ANKS1A: variants seen among roughly 807,000 people sequenced by gnomAD.
The protein encoded by ANKS1A is ankyrin repeat and SAM domain-containing protein 1A.
Under a neutral mutation model 120.3 loss-of-function variants are expected in ANKS1A, and 55 were observed. The observed-to-expected ratio is 0.46, with a 90% confidence interval of 0.37 to 0.57. The LOEUF (loss-of-function observed/expected upper bound fraction) is 0.57. ANKS1A is among the 20% of genes least tolerant of loss of function. The pLI is 0.00. For synonymous variants in ANKS1A, 590 were observed against 604.7 expected (o/e 0.98, Z 0.36); for missense variants, 1,123 against 1,480.3 (o/e 0.76, Z 3.96).
In ANKS1A at chr6:35,089,013, C is replaced by CCTGCAT; in HGVS notation, c.*405_*410dup. On this transcript the variant is annotated 3_prime_UTR_variant, in exon 24 of 24. Transcript: ENST00000360359. Reference sequence around the variant, plus strand: ...GAGCTGAGGTTGGTTCAGAGGCCAGCCTGCATAGCCTCTGTCCTCAGGACG... The same window carrying CCTGCAT: ...GAGCTGAGGTTGGTTCAGAGGCCAGCCTGCATCTGCATAGCCTCTGTCCTCAGGACG... 8.8e-7 allele frequency: 1 copy of CCTGCAT among 1,142,688 alleles called. No individual in the cohort carries two copies. Among genetic ancestry groups the CCTGCAT allele is most frequent in the Non-Finnish European group, 1.1e-6 (1 of 922,118 alleles). 70.8% of individuals were successfully genotyped at this position (1,142,688 alleles called of 1,614,324 possible). A position where few individuals can be genotyped will look rare whatever the true frequency, so the allele number is the denominator to read the frequency against.
At chr6:35,087,238 G>C (rs966411994) in intron 23 of ANKS1A, among the ~76,000 whole-genome samples, 189 bp downstream of exon 23, 8 of 152,070 alleles carry the variant, frequency 5.3e-5, no homozygotes, top group Admixed American at 5.2e-4. Context: ...TGCAGCTCTC[G>C]CACCTACCAC....
rs576995583 is a variant in ANKS1A, at chr6:34,964,840, C to G, written c.198-2399C>G. ...TCCCAAAGGAATTTACCAGTTTAAA[C>G]TCATACCAGTGGTGTTTAAGAGTGC... On this transcript the variant is annotated intron_variant, in intron 1 of 23. Transcript: ENST00000360359. Among the ~76,000 whole-genome samples, 5 of 152,328 alleles carry G rather than the reference C, an allele frequency of 3.3e-5. No individual in the cohort carries two copies. In the South Asian group the frequency reaches 1.0e-3, roughly 32 times the overall value.
rs537089353 is a variant in ANKS1A, at chr6:34,966,449, G to A, written c.198-790G>A. On this transcript the variant is annotated intron_variant, in intron 1 of 23. Coordinates refer to ENST00000360359, the MANE Select transcript of ANKS1A (RefSeq NM_015245.3). ...GAGTATCTACCTCAAACCATTAGAGGCATTCTCATTAGAAGCAGGAACAAA... is the reference window on the plus strand; with the variant it reads ...GAGTATCTACCTCAAACCATTAGAGACATTCTCATTAGAAGCAGGAACAAA... 2.6e-5 allele frequency among the ~76,000 whole-genome samples: 4 copies of A among 152,260 alleles called. No individual in the cohort carries two copies. In the South Asian group the frequency reaches 6.2e-4, roughly 24 times the overall value.
At chr6:35,011,106 G>C (rs945664843) in intron 10 of ANKS1A, among the ~76,000 whole-genome samples, 1 of 152,144 alleles carries the variant, frequency 6.6e-6, no homozygotes, top group Non-Finnish European at 1.5e-5. Context: ...TGGTTGTTGT[G>C]AATATTAAAA....
chr6:34,924,090 CGTGTGTGTGT>C (rs71794086), intron 1 of ANKS1A, among the ~76,000 whole-genome samples: 93 of 143,250 alleles, frequency 6.5e-4, no homozygotes, highest in East Asian at 2.5e-3. Flanking sequence ...GGGGCTTTTT[CGTGTGTGTGT>C]GTGTGTGTGT....
At chr6:34,891,243 A>T (rs542209319) in intron 1 of ANKS1A, among the ~76,000 whole-genome samples, 1 of 152,302 alleles carries the variant, frequency 6.6e-6, no homozygotes, top group South Asian at 2.1e-4. Context: ...ATGGAGACTT[A>T]TTTGGTGCTC....
intron 1 of ANKS1A, among the ~76,000 whole-genome samples, chr6:34,928,298 T>C (rs552179956): frequency 6.6e-6 from 1 of 152,286 alleles, no homozygotes; most frequent in Non-Finnish European, 1.5e-5. Context: ...AGCAGCCTTT[T>C]ACAGCCCCAG....
At chr6:35,078,431 C>T in intron 13 of ANKS1A, 127 bp from the exon 14 acceptor site, 1 of 813,896 alleles carries the variant, frequency 1.2e-6, no homozygotes, top group Non-Finnish European at 2.0e-6. Context: ...AGACTTGTCC[C>T]CATGCCCTCT....
intron 1 of ANKS1A, among the ~76,000 whole-genome samples, chr6:34,938,521 C>T (rs1561859320): frequency 6.6e-6 from 1 of 152,336 alleles, no homozygotes; most frequent in African/African-American, 2.4e-5. Flanking sequence ...TGCACATAAC[C>T]GAACACACTC....
intron 13 of ANKS1A, among the ~76,000 whole-genome samples, chr6:35,076,322 G>A (rs1777354238): frequency 6.6e-6 from 1 of 152,162 alleles, no homozygotes; most frequent in African/African-American, 2.4e-5. Context: ...TGAGGCAGGA[G>A]AATGGCGTCA....
At chr6:34,933,734 T>A (rs1216392195) in intron 1 of ANKS1A, among the ~76,000 whole-genome samples, 2 of 152,382 alleles carry the variant, frequency 1.3e-5, no homozygotes, top group East Asian at 3.8e-4. Context: ...TTGGATAGCA[T>A]ACCAGTGTTC....
rs138549037 is a variant in ANKS1A, at chr6:35,034,960, T to A, written c.2010+16901T>A. 2.4e-4 allele frequency among the ~76,000 whole-genome samples: 37 copies of A among 152,332 alleles called. No individual in the cohort carries two copies. In the East Asian group the frequency reaches 4.1e-3, roughly 17 times the overall value. ...TTTTACAAAAAGTGAGGGAAACAGCTCACTTGACACTGGTGGCGATAGCCT... is the reference window on the plus strand; with the variant it reads ...TTTTACAAAAAGTGAGGGAAACAGCACACTTGACACTGGTGGCGATAGCCT... On this transcript the variant is annotated intron_variant, in intron 11 of 23. Coordinates refer to ENST00000360359, the MANE Select transcript of ANKS1A (RefSeq NM_015245.3).
At chr6:34,960,507 C>A (rs1356344115) in intron 1 of ANKS1A, among the ~76,000 whole-genome samples, 1 of 152,106 alleles carries the variant, frequency 6.6e-6, no homozygotes, top group Non-Finnish European at 1.5e-5. Context: ...GGCTCCTTCA[C>A]CAAATAGAGT....
At chr6:34,937,521 G>A (rs529593201) in intron 1 of ANKS1A, among the ~76,000 whole-genome samples, 1 of 152,204 alleles carries the variant, frequency 6.6e-6, no homozygotes, top group African/African-American at 2.4e-5. Flanking sequence ...AGGAAGATCA[G>A]ACATGCTATT....
intron 1 of ANKS1A, among the ~76,000 whole-genome samples, chr6:34,891,119 T>C (rs1376947415): frequency 6.6e-6 from 1 of 152,184 alleles, no homozygotes; most frequent in African/African-American, 2.4e-5. Context: ...AAGTCAGGGC[T>C]TCCAAAAGGA....
chr6:34,920,466 C>T (rs1249053821), intron 1 of ANKS1A, among the ~76,000 whole-genome samples: 1 of 152,168 alleles, frequency 6.6e-6, no homozygotes, highest in African/African-American at 2.4e-5. Flanking sequence ...ATCCTCCTGC[C>T]TTGACCTTCC....
rs1311272425 is a variant in ANKS1A at position 35,084,911 on chromosome 6, A to G, written c.3132+653A>G. 6.6e-6 allele frequency among the ~76,000 whole-genome samples: 1 copy of G among 152,222 alleles called. No individual in the cohort carries two copies. Among genetic ancestry groups the G allele is most frequent in the African/African-American group, 2.4e-5 (1 of 41,458 alleles). Reference sequence around the variant, plus strand: ...AGGCGGGGGTTCCCTCTAACCTGCAACAAAGCATGAGAGTGGCCCCAGGCT... The same window carrying G: ...AGGCGGGGGTTCCCTCTAACCTGCAGCAAAGCATGAGAGTGGCCCCAGGCT... On this transcript the variant is annotated intron_variant, in intron 21 of 23. Coordinates refer to ENST00000360359, the MANE Select transcript of ANKS1A (RefSeq NM_015245.3). The surrounding 1 kb of genome is among the most constrained non-coding windows in gnomAD (Gnocchi z 4.8).
At chr6:35,004,459 A>G (rs1706699413) in intron 10 of ANKS1A, among the ~76,000 whole-genome samples, 1 of 152,114 alleles carries the variant, frequency 6.6e-6, no homozygotes. Context: ...CCCCATCTCT[A>G]AAATAAAATT....
intron 1 of ANKS1A, among the ~76,000 whole-genome samples, chr6:34,924,395 C>T (rs1768602393): frequency 6.6e-6 from 1 of 152,124 alleles, no homozygotes; most frequent in South Asian, 2.1e-4. Flanking sequence ...GTGAGCATAG[C>T]TAGCTGCCTT....
Sources: gnomAD v4.1 joint callset for allele counts (sites outside exome capture counted in the v4.1 genomes callset) on GRCh38, gnomAD v4.1.1 for gene constraint, Gnocchi (gnomAD v3.1) non-coding constraint, MANE v1.5 for transcripts, NCBI Gene and HGNC (gene_info 2026-07-23, HGNC 2026-07-21) for gene names.